The following CHLSN variants were observed in gnomAD, a reference collection of about 807,000 sequenced individuals.
CHLSN encodes the protein cholesin.
At chr7:988,157 G>A in the CHLSN span, 1 of 1,218,278 alleles carries the variant, frequency 8.2e-7, no homozygotes, top group Non-Finnish European at 1.1e-6. Context: ...CCTGCAAGGT[G>A]GGCTAACACC....
chr7:1,016,758 CCAGCGCACAGCGCACAGCAGCGCA>C, the CHLSN span, among the ~76,000 whole-genome samples: 17 of 100,590 alleles, frequency 1.7e-4, no homozygotes, highest in African/African-American at 5.2e-4. Flanking sequence ...GCAGCACACG[CCAGCGCACAGCGCACAGCAGCGCA>C]CAGCACACAG....
the CHLSN span, among the ~76,000 whole-genome samples, chr7:1,053,395 G>A: frequency 1.3e-5 from 2 of 152,258 alleles, no homozygotes; most frequent in Non-Finnish European, 2.9e-5. Flanking sequence ...CAGTGACAGG[G>A]AGCTGGGTTG....
At chr7:1,016,779 C>T in the CHLSN span, among the ~76,000 whole-genome samples, 1 of 80,324 alleles carries the variant, frequency 1.2e-5, no homozygotes, top group African/African-American at 7.8e-5. Context: ...CGCACAGCAG[C>T]GCACAGCACA....
the CHLSN span, among the ~76,000 whole-genome samples, chr7:1,044,968 C>T: frequency 2.0e-5 from 3 of 152,260 alleles, no homozygotes; most frequent in East Asian, 5.8e-4. Context: ...CGACAGGGCA[C>T]CACTGATCCT....
At chr7:1,045,210 C>T in the CHLSN span, 1 of 152,242 alleles carries the variant, frequency 6.6e-6, no homozygotes, top group African/African-American at 2.4e-5. Flanking sequence ...GTATTACAAA[C>T]CTGGCAAGTC....
At chr7:1,021,565 C>T in the CHLSN span, 2 of 985,438 alleles carry the variant, frequency 2.0e-6, no homozygotes, top group Non-Finnish European at 2.4e-6. Flanking sequence ...GCTTCAGCAG[C>T]TGTCAGTCAT....
the CHLSN span, among the ~76,000 whole-genome samples, chr7:1,034,518 A>G: frequency 6.6e-6 from 1 of 152,208 alleles, no homozygotes; most frequent in African/African-American, 2.4e-5. Flanking sequence ...ATTTCGGGAC[A>G]TCGGACAGCT....
At chr7:1,058,419 A>C in the CHLSN span, 1 of 780,718 alleles carries the variant, frequency 1.3e-6, no homozygotes, top group Non-Finnish European at 2.4e-6. Flanking sequence ...CATGAACCAG[A>C]GCTTCCCCAG....
the CHLSN span, among the ~76,000 whole-genome samples, chr7:1,116,010 C>A: frequency 7.8e-6 from 1 of 128,596 alleles, no homozygotes; most frequent in East Asian, 2.3e-4. Flanking sequence ...AGCACCGACG[C>A]CCACGCAGGA....
the CHLSN span, among the ~76,000 whole-genome samples, chr7:1,121,912 GGGC>G: frequency 6.6e-6 from 1 of 152,146 alleles, no homozygotes; most frequent in African/African-American, 2.4e-5. Flanking sequence ...CACTCACACA[GGGC>G]AGCGTGCTGC....
chr7:1,070,908 GCACACACACAGCACGCACAGA>G, the CHLSN span, among the ~76,000 whole-genome samples: 74 of 140,492 alleles, frequency 5.3e-4, no homozygotes, highest in Middle Eastern at 0.03. Context: ...ACACATGCAC[GCACACACACAGCACGCACAGA>G]CACGCACACA....
the CHLSN span, among the ~76,000 whole-genome samples, chr7:1,050,465 G>T: frequency 6.6e-6 from 1 of 152,252 alleles, no homozygotes; most frequent in Non-Finnish European, 1.5e-5. Flanking sequence ...CTGTGGCTTG[G>T]GAGTCTGGCA....
the CHLSN span, among the ~76,000 whole-genome samples, chr7:1,050,680 GCAGTCGGAGCC>G: frequency 5.3e-5 from 8 of 152,234 alleles, no homozygotes; most frequent in African/African-American, 1.9e-4. Context: ...CCAGGAAATC[GCAGTCGGAGCC>G]CAGCACGGGG....
At chr7:1,092,795 TG>T in the CHLSN span, 5 of 1,613,560 alleles carry the variant, frequency 3.1e-6, no homozygotes, top group Non-Finnish European at 2.5e-6. Flanking sequence ...CACGCTGCCC[TG>T]AAGGCCGTCA....
At chr7:1,068,325 C>T in the CHLSN span, among the ~76,000 whole-genome samples, 3 of 152,148 alleles carry the variant, frequency 2.0e-5, no homozygotes, top group Admixed American at 6.5e-5. Flanking sequence ...ACAAACCACC[C>T]CTCAGACCTA....
the CHLSN span, among the ~76,000 whole-genome samples, chr7:1,046,184 A>T: frequency 6.6e-6 from 1 of 152,190 alleles, no homozygotes; most frequent in African/African-American, 2.4e-5. Context: ...TGGGGCAGGG[A>T]GAAGAAGGGG....
chr7:1,070,046 T>C, the CHLSN span, among the ~76,000 whole-genome samples: 1 of 102,122 alleles, frequency 9.8e-6, no homozygotes, highest in East Asian at 2.5e-4. Context: ...CGAGACCCCG[T>C]CTGGGAGGTG....
At chr7:1,101,755 T>C in the CHLSN span, among the ~76,000 whole-genome samples, 1 of 152,148 alleles carries the variant, frequency 6.6e-6, no homozygotes, top group South Asian at 2.1e-4. Context: ...AGCCCGCAGC[T>C]CTCTGCAATG....
chr7:1,041,934 G>A, the CHLSN span, among the ~76,000 whole-genome samples: 1 of 152,168 alleles, frequency 6.6e-6, no homozygotes, highest in African/African-American at 2.4e-5. Flanking sequence ...AAGCAAGAAA[G>A]CCTGCCGACC....
Sources: gnomAD v4.1 joint callset for allele counts (sites outside exome capture counted in the v4.1 genomes callset) on GRCh38, gnomAD v4.1.1 for gene constraint, MANE v1.5 for transcripts, NCBI Gene and HGNC (gene_info 2026-07-23, HGNC 2026-07-21) for gene names.